Variants in BBS9 observed in about 807,000 individuals in gnomAD.
BBS9 encodes Bardet-Biedl syndrome 9.
A neutral mutation model predicts 117.7 loss-of-function variants in BBS9; 89 were observed. The observed-to-expected ratio is 0.76, with a 90% CI of 0.64 to 0.90. The LOEUF is 0.90. Ranked by LOEUF, BBS9 falls within the 40% of genes least tolerant of loss-of-function variation. The pLI is 0.00. For missense variants in BBS9, 982 were observed against 1,042.2 expected (o/e 0.94, Z 0.80); for synonymous variants, 379 against 370.9 (o/e 1.02, Z -0.25).
chr7:33,284,755 G>T (rs1410399394), intron 9 of BBS9, among the ~76,000 whole-genome samples: 2 of 151,858 alleles, frequency 1.3e-5, no homozygotes, highest in African/African-American at 2.4e-5. Flanking sequence ...TCTGTTTTCT[G>T]TGGAAGTGTG....
At chr7:33,317,394 C>T (rs1319622103) in intron 9 of BBS9, among the ~76,000 whole-genome samples, 1 of 151,198 alleles carries the variant, frequency 6.6e-6, no homozygotes, top group African/African-American at 2.4e-5. Context: ...AAAAAAAAAG[C>T]TGGCTGGGAT....
rs540179415 is a variant in BBS9 at position 33,303,592 on chromosome 7, C to T, written c.1016+29636C>T. Among the ~76,000 whole-genome samples, 16 of 141,302 alleles carry T rather than the reference C, an allele frequency of 1.1e-4. No individual in the cohort carries two copies. The East Asian group carries it at 2.2e-3, about 19-fold the overall frequency. 92.7% of individuals were successfully genotyped at this position (141,302 alleles called of 152,430 possible). On this transcript the variant is annotated intron_variant, in intron 9 of 22. Transcript: ENST00000242067. ...GGACTGTACTGCCGTGATCTCGGCT[C>T]GCTGCAACCTCCCTGCCTCGGGCTC...
chr7:33,633,132 G>A (rs557992499), intron 21 of BBS9, among the ~76,000 whole-genome samples: 4 of 152,234 alleles, frequency 2.6e-5, no homozygotes, highest in Admixed American at 2.0e-4. Context: ...TGAAAGAGCC[G>A]CTTGTGTGCC....
intron 7 of BBS9, among the ~76,000 whole-genome samples, chr7:33,271,614 G>C (rs1799812347): frequency 6.6e-6 from 1 of 151,996 alleles, no homozygotes; most frequent in Admixed American, 6.6e-5. Flanking sequence ...GACAAATAAG[G>C]GCATTACATA....
intron 9 of BBS9, among the ~76,000 whole-genome samples, chr7:33,288,085 T>C (rs1803242359): frequency 1.3e-5 from 2 of 151,986 alleles, no homozygotes; most frequent in African/African-American, 2.4e-5. Context: ...AACAAAGCAA[T>C]ATGGATTAAC....
At position 33,182,227 on chromosome 7, in the gene BBS9, A is replaced by G. The variant is rs188229645; in HGVS notation, c.442+4636A>G. Among the ~76,000 whole-genome samples the G allele has an allele frequency of 1.7e-3, 254 of 152,370 alleles. 2 individuals carry two copies. Among genetic ancestry groups the G allele is most frequent in the Non-Finnish European group, 5.4e-4 (37 of 68,036 alleles). On this transcript the variant is annotated intron_variant, in intron 5 of 22. Transcript: ENST00000242067. ...TTCATTTTCCTGACACACCTTGCAT[A>G]TAAAACTCTTTCTCTAGTAGTCTCA...
chr7:33,488,926 A>G (rs1476100764), intron 19 of BBS9, among the ~76,000 whole-genome samples: 1 of 149,658 alleles, frequency 6.7e-6, no homozygotes, highest in Non-Finnish European at 1.5e-5. Flanking sequence ...ATTACTGGTG[A>G]TTGATAATAG....
chr7:33,256,887 A>G (rs892734444), intron 5 of BBS9, among the ~76,000 whole-genome samples: 30 of 152,152 alleles, frequency 2.0e-4, no homozygotes, highest in Admixed American at 1.8e-3. Flanking sequence ...TAATGTATCT[A>G]TGTTTTCTAT....
At chr7:33,563,972 G>A (rs1345758676) in intron 21 of BBS9, among the ~76,000 whole-genome samples, 1 of 152,082 alleles carries the variant, frequency 6.6e-6, no homozygotes, top group African/African-American at 2.4e-5. Context: ...ATACTTACTG[G>A]AACTTATGCT....
At chr7:33,410,077 C>G (rs558479626) in intron 19 of BBS9, among the ~76,000 whole-genome samples, 45 of 152,270 alleles carry the variant, frequency 3.0e-4, no homozygotes, top group Admixed American at 1.4e-3. Flanking sequence ...TCCATCTTTT[C>G]TCCTGGTGAG....
chr7:33,624,320 TACCACCCACC>T (rs1865543096), intron 21 of BBS9, among the ~76,000 whole-genome samples: 3 of 152,258 alleles, frequency 2.0e-5, no homozygotes, highest in Admixed American at 6.5e-5. Context: ...ACCCACCACC[TACCACCCACC>T]TCCACCCTCA....
intron 5 of BBS9, among the ~76,000 whole-genome samples, chr7:33,242,424 G>C (rs1443996731): frequency 6.6e-6 from 1 of 152,010 alleles, no homozygotes; most frequent in African/African-American, 2.4e-5. Context: ...TATCTCATTT[G>C]AGAGCAGGAA....
At chr7:33,462,467 G>T (rs911052355) in intron 19 of BBS9, among the ~76,000 whole-genome samples, 2 of 152,192 alleles carry the variant, frequency 1.3e-5, no homozygotes, top group South Asian at 2.1e-4. Flanking sequence ...TATCAGAAAT[G>T]TTCCCCCATG....
At position 33,341,544 on chromosome 7, in the gene BBS9, G is replaced by T. The variant is rs543507801; in HGVS notation, c.1275+571G>T. ...TCTCAATTTTCTCATCCACAAAATG[G>T]GAATAATAATAGAATCTACTTTGTT... On this transcript the variant is annotated intron_variant, in intron 11 of 22. Transcript: ENST00000242067. 2.6e-3 allele frequency among the ~76,000 whole-genome samples: 391 copies of T among 152,036 alleles called. 1 individual carries two copies. The highest frequency in any genetic ancestry group is 4.2e-3 in the Non-Finnish European group (288 of 67,932).
intron 19 of BBS9, among the ~76,000 whole-genome samples, chr7:33,393,084 T>G (rs1827333657): frequency 6.6e-6 from 1 of 152,116 alleles, no homozygotes; most frequent in African/African-American, 2.4e-5. Flanking sequence ...GAGGATTGCT[T>G]TAGCCCGGGA....
chr7:33,453,725 G>A (rs1838234709), intron 19 of BBS9, among the ~76,000 whole-genome samples: 1 of 152,038 alleles, frequency 6.6e-6, no homozygotes, highest in Non-Finnish European at 1.5e-5. Flanking sequence ...TCACCATGTT[G>A]GCCAGGCTGA....
intron 19 of BBS9, among the ~76,000 whole-genome samples, chr7:33,451,282 T>C (rs564655485): frequency 5.9e-5 from 9 of 152,222 alleles, no homozygotes; most frequent in African/African-American, 9.6e-5. Context: ...AAATGCAGTG[T>C]TATAAAGCTT....
At chr7:33,452,615 A>G (rs1428372012) in intron 19 of BBS9, among the ~76,000 whole-genome samples, 1 of 152,216 alleles carries the variant, frequency 6.6e-6, no homozygotes, top group Non-Finnish European at 1.5e-5. Context: ...CGGGAAACAT[A>G]CTAAGTGTTC....
chr7:33,365,649 G>A (rs1821550585), intron 16 of BBS9, among the ~76,000 whole-genome samples: 1 of 152,240 alleles, frequency 6.6e-6, no homozygotes. Context: ...TACCTATGGA[G>A]ATGCCATGGA....
Sources: allele counts gnomAD v4.1 joint callset (sites outside exome capture counted in the v4.1 genomes callset), GRCh38; gene constraint gnomAD v4.1.1; transcripts MANE v1.5; gene names NCBI Gene and HGNC (gene_info 2026-07-23, HGNC 2026-07-21).